The following AFF3 variants were observed in gnomAD, a reference collection of about 807,000 sequenced individuals.
AFF3 encodes the protein AF4/FMR2 family member 3.
Under a neutral mutation model 129.7 loss-of-function variants are expected in AFF3, and 32 were observed. The observed-to-expected ratio is 0.25, with a 90% CI of 0.19 to 0.33. The LOEUF (loss-of-function observed/expected upper bound fraction) is 0.33. Ranked by LOEUF, AFF3 falls within the 10% of genes least tolerant of loss-of-function variation. AFF3 has a pLI of 1.00. For synonymous variants in AFF3, 644 were observed against 635.4 expected (o/e 1.01, Z -0.20); for missense variants, 1,373 against 1,592.0 (o/e 0.86, Z 2.34).
At chr2:100,014,783 C>CTTTTTTTT (rs60456923) in intron 4 of AFF3, among the ~76,000 whole-genome samples, 3 of 120,414 alleles carry the variant, frequency 2.5e-5, no homozygotes, top group Admixed American at 8.2e-5. Context: ...ACCTTGCTTC[C>CTTTTTTTT]TTTTTTTTTT....
At chr2:100,102,968 C>T (rs1690855724) in intron 4 of AFF3, among the ~76,000 whole-genome samples, 1 of 145,350 alleles carries the variant, frequency 6.9e-6, no homozygotes, top group South Asian at 2.3e-4. Flanking sequence ...TCTGCCCTGG[C>T]TCTTTGAAGT....
intron 7 of AFF3, among the ~76,000 whole-genome samples, chr2:99,858,743 C>G (rs1162528561): frequency 6.6e-6 from 1 of 151,932 alleles, no homozygotes; most frequent in Non-Finnish European, 1.5e-5. Context: ...TCACTGGGGA[C>G]TTTTGGAGAG....
chr2:99,697,444 G>A (rs1374273617), intron 11 of AFF3, among the ~76,000 whole-genome samples: 1 of 152,208 alleles, frequency 6.6e-6, no homozygotes, highest in Admixed American at 6.5e-5. Context: ...AGAGTCCAGA[G>A]TTTTTACAGA....
chr2:100,098,149 A>G, intron 4 of AFF3, among the ~76,000 whole-genome samples: 1 of 150,964 alleles, frequency 6.6e-6, no homozygotes, highest in Admixed American at 6.6e-5. Flanking sequence ...GGAAATGAGA[A>G]AAATCATGAG....
chr2:99,957,061 T>C (rs2104269601), intron 7 of AFF3, among the ~76,000 whole-genome samples: 1 of 152,302 alleles, frequency 6.6e-6, no homozygotes, highest in South Asian at 2.1e-4. Flanking sequence ...TAACATACAT[T>C]CTGTTGCCTG....
chr2:100,110,471 T>C (rs1691475377), intron 2 of AFF3: 1 of 152,222 alleles, frequency 6.6e-6, no homozygotes, highest in Admixed American at 6.5e-5. Context: ...CAGAGAGTAT[T>C]CAAGCATGGA....
chr2:99,603,462 C>T (rs78721730), intron 13 of AFF3, among the ~76,000 whole-genome samples: 3 of 152,128 alleles, frequency 2.0e-5, no homozygotes, highest in African/African-American at 4.8e-5. Context: ...CTTCCTTACA[C>T]CATATACAAA....
intron 12 of AFF3, among the ~76,000 whole-genome samples, chr2:99,656,213 T>C (rs1050460392): frequency 6.6e-6 from 1 of 151,216 alleles, no homozygotes; most frequent in Admixed American, 6.6e-5. Context: ...AAAAAATGGA[T>C]TGAGGTTTCT....
chr2:100,000,731 T>C (rs913260811), intron 7 of AFF3, among the ~76,000 whole-genome samples: 1 of 152,192 alleles, frequency 6.6e-6, no homozygotes, highest in African/African-American at 2.4e-5. Flanking sequence ...ATCATTATCA[T>C]GTTCTCCACC....
intron 4 of AFF3, among the ~76,000 whole-genome samples, chr2:100,057,369 C>T (rs1686890549): frequency 4.6e-5 from 7 of 151,150 alleles, no homozygotes; most frequent in Admixed American, 4.6e-4. Flanking sequence ...GATTCATATC[C>T]TAGGCCTGCC....
chr2:99,887,636 A>G (rs185690744), intron 7 of AFF3, among the ~76,000 whole-genome samples: 26 of 152,312 alleles, frequency 1.7e-4, no homozygotes, highest in African/African-American at 6.3e-4. Flanking sequence ...CAAAAAAATC[A>G]TGGTTCATAA....
chr2:99,722,494 G>C (rs1013131074), intron 11 of AFF3, among the ~76,000 whole-genome samples: 2 of 152,082 alleles, frequency 1.3e-5, no homozygotes, highest in Non-Finnish European at 2.9e-5. Flanking sequence ...TAATGTTACG[G>C]TGACTCCTTT....
At chr2:99,635,045 T>C (rs917732178) in intron 13 of AFF3, among the ~76,000 whole-genome samples, 3 of 151,772 alleles carry the variant, frequency 2.0e-5, no homozygotes, top group Non-Finnish European at 4.4e-5. Flanking sequence ...TATCTCTATG[T>C]ACGTGATATA....
intron 18 of AFF3, among the ~76,000 whole-genome samples, chr2:99,576,516 A>G (rs1440226736): frequency 1.9e-5 from 2 of 104,176 alleles, no homozygotes; most frequent in Admixed American, 1.8e-4. Context: ...ACCCTGTCTC[A>G]AAAAAAAAAA....
rs1311304332 is a variant in AFF3, at chr2:99,593,278, T to C, written c.2383A>G (p.Lys795Glu). ...CTGGGCGGTGCGCTCTCAGAGTCCT[T>C]GGTGGCAGGGGCGCTCAATACCCCT... The part of the protein sequence containing the change: ...EPGVLSAPAT[K>E]DSESAPPSHT... Residue 795 changes from lysine to glutamate, a missense_variant, in exon 15 of 25, where the codon AAG (lysine) becomes GAG (glutamate). Lys to Glu is a moderately conservative substitution (Grantham distance 56). Transcript: ENST00000672756. 28 of 1,613,684 alleles carry C rather than the reference T, an allele frequency of 1.7e-5. No individual in the cohort carries two copies. Among genetic ancestry groups the C allele is most frequent in the Non-Finnish European group, 2.3e-5 (27 of 1,179,812 alleles).
At chr2:99,583,335 T>A (rs928312563) in intron 16 of AFF3, among the ~76,000 whole-genome samples, 1 of 152,172 alleles carries the variant, frequency 6.6e-6, no homozygotes, top group South Asian at 2.1e-4. Context: ...CTAACAAGCA[T>A]AAGGAGCAAG....
At chr2:100,062,700 CT>C (rs1222820038) in intron 4 of AFF3, among the ~76,000 whole-genome samples, 1 of 152,182 alleles carries the variant, frequency 6.6e-6, no homozygotes, top group Non-Finnish European at 1.5e-5. Context: ...AGCAAATACT[CT>C]GAGAAAAGCA....
intron 14 of AFF3, among the ~76,000 whole-genome samples, chr2:99,601,218 T>C (rs1679792091): frequency 6.6e-6 from 1 of 152,186 alleles, no homozygotes; most frequent in South Asian, 2.1e-4. Context: ...TGAAAGTTGA[T>C]GTTTCTGTAC....
At position 99,827,968 on chromosome 2, in the gene AFF3, G is replaced by A. The variant is rs151325054; in HGVS notation, c.921+9509C>T. On this transcript the variant is annotated intron_variant, in intron 8 of 24. Coordinates refer to ENST00000672756, the MANE Select transcript of AFF3 (RefSeq NM_001386135.1). The stretch of plus-strand genomic sequence containing the variant: ...AGGTGAAGCGTCTGCGGAGGGTGAC[G>A]AGGACAGTGACAAGGAGGTGCTGGT... Among the ~76,000 whole-genome samples the A allele has an allele frequency of 1.5e-3, 224 of 152,194 alleles. 3 individuals carry two copies. The East Asian group carries it at 0.02, about 14-fold the overall frequency.
Sources: gnomAD v4.1 joint callset for allele counts (sites outside exome capture counted in the v4.1 genomes callset) on GRCh38, gnomAD v4.1.1 for gene constraint, MANE v1.5 for transcripts, NCBI Gene and HGNC (gene_info 2026-07-23, HGNC 2026-07-21) for gene names.